The following PCDH15 variants were observed in gnomAD, a reference collection of about 807,000 sequenced individuals.
PCDH15 encodes the protein protocadherin-15.
In PCDH15, 129 loss-of-function variants were observed where a neutral mutation model predicts 178.5. That is an observed-to-expected ratio of 0.72 (90% CI 0.63 to 0.84). The LOEUF is 0.84. PCDH15 is among the 40% of genes least tolerant of loss of function. The pLI, the probability that PCDH15 is intolerant of heterozygous loss-of-function variation, is 0.00. For synonymous variants in PCDH15, 800 were observed against 732.0 expected, an observed-to-expected ratio of 1.09 and a Z score of -1.50; for missense variants, 2,230 against 2,099.9, an observed-to-expected ratio of 1.06 and a Z score of -1.21.
chr10:54,285,125 G>A (rs544292507), intron 8 of PCDH15, among the ~76,000 whole-genome samples: 2 of 152,108 alleles, frequency 1.3e-5, no homozygotes, highest in African/African-American at 2.4e-5. Flanking sequence ...TCCTGGCCTT[G>A]TTATACTTGT....
intron 1 of PCDH15, among the ~76,000 whole-genome samples, chr10:55,253,249 C>CGTGT (rs59957458): frequency 2.7e-5 from 4 of 149,054 alleles, no homozygotes; most frequent in East Asian, 2.0e-4. Flanking sequence ...TGTGTGTGTG[C>CGTGT]GTGTGTGTGT....
intron 10 of PCDH15, among the ~76,000 whole-genome samples, chr10:54,212,293 A>T (rs1175301463): frequency 6.6e-6 from 1 of 152,122 alleles, no homozygotes; most frequent in Non-Finnish European, 1.5e-5. Context: ...ATGCATGGCC[A>T]TTTAATACAA....
chr10:54,317,208 G>C, intron 8 of PCDH15, 63 bp downstream of exon 8: 1 of 1,532,388 alleles, frequency 6.5e-7, no homozygotes, highest in Non-Finnish European at 9.0e-7. Flanking sequence ...CAAAATACTT[G>C]AACATGATCC....
rs1441530743 is a variant in PCDH15, at chr10:54,622,643, T to TTA, written c.91+41527_91+41528dup. Among the ~76,000 whole-genome samples the TTA allele has an allele frequency of 1.3e-3, 128 of 101,868 alleles. 4 individuals are homozygous for TTA. Among genetic ancestry groups the TTA allele is most frequent in the African/African-American group, 5.0e-3 (118 of 23,712 alleles). The allele number at this position is 101,868 out of a possible 152,430, so 66.8% of individuals were successfully genotyped here. On this transcript the variant is annotated intron_variant, in intron 2 of 37. Transcript: ENST00000644397. ...AATATATATAATATATATTATATAATTATATATATACTATATAATATATAT... is the reference window on the plus strand; with the variant it reads ...AATATATATAATATATATTATATAATTATATATATATACTATATAATATATAT...
At chr10:55,357,844 G>C (rs1225164403) in intron 2 of PCDH15, among the ~76,000 whole-genome samples, 2 of 151,876 alleles carry the variant, frequency 1.3e-5, no homozygotes, top group Non-Finnish European at 2.9e-5. Context: ...AGTTTCTACT[G>C]CCCCCATACA....
intron 25 of PCDH15, among the ~76,000 whole-genome samples, chr10:53,917,243 G>T (rs1283325026): frequency 6.6e-6 from 1 of 152,014 alleles, no homozygotes; most frequent in Non-Finnish European, 1.5e-5. Flanking sequence ...TATAATATTT[G>T]ACCTAAGACT....
intron 25 of PCDH15, among the ~76,000 whole-genome samples, chr10:53,925,670 G>C (rs891247672): frequency 6.6e-6 from 1 of 152,126 alleles, no homozygotes; most frequent in Non-Finnish European, 1.5e-5. Context: ...GTGGATTTTT[G>C]TTTGCCTTTA....
At chr10:53,985,992 T>A (rs2091071593) in intron 21 of PCDH15, among the ~76,000 whole-genome samples, 2 of 152,346 alleles carry the variant, frequency 1.3e-5, no homozygotes, top group East Asian at 3.9e-4. Flanking sequence ...ATAAAGTATT[T>A]CTTTTGTTTT....
At chr10:54,694,974 GT>G (rs1279157304) in intron 1 of PCDH15, among the ~76,000 whole-genome samples, 1 of 150,558 alleles carries the variant, frequency 6.6e-6, no homozygotes, top group Non-Finnish European at 1.5e-5. Context: ...CAAAGGAAAA[GT>G]TCTTGAGGGA....
intron 19 of PCDH15, 41 bp downstream of exon 19, chr10:54,022,851 C>T (rs1244344305): frequency 7.5e-6 from 12 of 1,603,778 alleles, no homozygotes; most frequent in Non-Finnish European, 9.4e-6. Flanking sequence ...AGCAAATCTC[C>T]TAATGTAGGA....
chr10:53,933,323 C>T lies in PCDH15; in HGVS notation c.3373+5492G>A, dbSNP rs183500864. 7.4e-3 allele frequency among the ~76,000 whole-genome samples: 1,122 copies of T among 151,870 alleles called. 12 individuals are homozygous for T. Among genetic ancestry groups the T allele is most frequent in the African/African-American group, 0.026 (1,056 of 41,336 alleles). ...ATATCTCCTAATGCTATCCCTCCCC[C>T]CTTCCCCCACCCCACAACAGTCCCC... On this transcript the variant is annotated intron_variant, in intron 25 of 37. Transcript: ENST00000644397.
At chr10:54,001,275 G>A (rs1367890674) in intron 20 of PCDH15, among the ~76,000 whole-genome samples, 1 of 152,024 alleles carries the variant, frequency 6.6e-6, no homozygotes, top group Non-Finnish European at 1.5e-5. Flanking sequence ...TATGTACACA[G>A]GAAACACAGA....
intron 2 of PCDH15, among the ~76,000 whole-genome samples, chr10:55,033,757 G>A (rs1840668695): frequency 6.6e-6 from 1 of 152,044 alleles, no homozygotes; most frequent in African/African-American, 2.4e-5. Flanking sequence ...TTTTTAATGT[G>A]AGAAAATCAT....
rs1422187516 is a variant in PCDH15, at chr10:54,023,005, A to C, written c.2413T>G (p.Leu805Val). 1.2e-5 allele frequency: 19 copies of C among 1,613,880 alleles called. No individual in the cohort carries two copies. The highest frequency in any genetic ancestry group is 1.6e-5 in the Non-Finnish European group (19 of 1,179,894). ...TCAATGTCCAAAACCTTGATGGCCAAGGTTAGAGTTGAATGACGAGGGTGT... is the reference window on the plus strand; with the variant it reads ...TCAATGTCCAAAACCTTGATGGCCACGGTTAGAGTTGAATGACGAGGGTGT... ...AVHPRHSTLT[L>V]AIKVLDIDDN... The change falls in exon 19 of 38, where the codon TTG becomes GTG. Residue 805 changes from leucine (L) to valine (V), a missense_variant. Coordinates refer to ENST00000644397, the MANE Select transcript of PCDH15 (RefSeq NM_001384140.1).
chr10:53,941,976 T>G (rs1158303895), intron 23 of PCDH15, among the ~76,000 whole-genome samples: 1 of 152,240 alleles, frequency 6.6e-6, no homozygotes, highest in Non-Finnish European at 1.5e-5. Context: ...TACATTGTGC[T>G]TTCATTGAAA....
intron 1 of PCDH15, among the ~76,000 whole-genome samples, chr10:54,711,544 A>G (rs1189876341): frequency 6.6e-6 from 1 of 151,926 alleles, no homozygotes; most frequent in Non-Finnish European, 1.5e-5. Context: ...ATGAAAACTA[A>G]GGAATCATAG....
At chr10:55,086,921 A>T (rs556744736) in intron 2 of PCDH15, among the ~76,000 whole-genome samples, 7 of 152,210 alleles carry the variant, frequency 4.6e-5, no homozygotes, top group African/African-American at 1.4e-4. Flanking sequence ...TCTCTGAATT[A>T]TCTTAGGATA....
At chr10:55,467,161 A>T (rs1839847763) in intron 2 of PCDH15, among the ~76,000 whole-genome samples, 1 of 152,232 alleles carries the variant, frequency 6.6e-6, no homozygotes, top group African/African-American at 2.4e-5. Flanking sequence ...ATCTCTAGCT[A>T]GGGCAATGCC....
intron 32 of PCDH15, among the ~76,000 whole-genome samples, chr10:53,826,655 G>GT (rs1418826472): frequency 1.3e-5 from 2 of 152,158 alleles, no homozygotes; most frequent in Non-Finnish European, 1.5e-5. Context: ...AATTATGAGG[G>GT]TAGCATCATT....
Sources: allele counts gnomAD v4.1 joint callset (sites outside exome capture counted in the v4.1 genomes callset), GRCh38; gene constraint gnomAD v4.1.1; transcripts MANE v1.5; gene names NCBI Gene and HGNC (gene_info 2026-07-23, HGNC 2026-07-21).